The following CSMD1 variants were observed in gnomAD, a reference collection of about 807,000 sequenced individuals.
The protein encoded by CSMD1 is CUB and sushi domain-containing protein 1.
In CSMD1, 213 loss-of-function variants were observed where a neutral mutation model predicts 417.5. That is an observed-to-expected ratio of 0.51 (90% CI 0.46 to 0.57). CSMD1 has a LOEUF of 0.57. Among genes scored for constraint, CSMD1 ranks in the 20% least tolerant of loss-of-function variants. The pLI is 0.00. For synonymous variants in CSMD1, 2,862 were observed against 1,736.8 expected (o/e 1.65, Z -16.11); for missense variants, 6,923 against 4,529.7 (o/e 1.53, Z -15.17).
intron 4 of CSMD1, among the ~76,000 whole-genome samples, chr8:4,019,338 G>A (rs970132992): frequency 2.0e-5 from 3 of 152,166 alleles, no homozygotes; most frequent in African/African-American, 7.2e-5. Context: ...TTGCTTATCT[G>A]GGAGGGAGAG....
At chr8:3,080,394 G>T (rs569806582) in intron 49 of CSMD1, among the ~76,000 whole-genome samples, 2 of 152,204 alleles carry the variant, frequency 1.3e-5, no homozygotes, top group African/African-American at 2.4e-5. Flanking sequence ...TATCAAGGTC[G>T]ATAAGAACCA....
At chr8:4,217,196 G>C (rs1037767244) in intron 3 of CSMD1, among the ~76,000 whole-genome samples, 1 of 152,148 alleles carries the variant, frequency 6.6e-6, no homozygotes, top group Non-Finnish European at 1.5e-5. Context: ...ATCATGCAAA[G>C]TTATAGCTAG....
chr8:3,594,387 C>T (rs571741494), intron 8 of CSMD1, among the ~76,000 whole-genome samples: 19 of 152,022 alleles, frequency 1.2e-4, no homozygotes, highest in South Asian at 4.2e-4. Context: ...ATTTGGGTTA[C>T]GTCTTGAAAG....
Position 4,117,656 on chromosome 8 carries a change from G to A in CSMD1, c.416-85557C>T, listed in dbSNP as rs140508931. On this transcript the variant is annotated intron_variant, in intron 3 of 69. Coordinates refer to ENST00000635120, the MANE Select transcript of CSMD1 (RefSeq NM_033225.6). Reference sequence around the variant, plus strand: ...AAACGCTGAAGCGCCCGCACTTCTGGGTGCCAAATAGACAGACTGTATACC... The same window carrying A: ...AAACGCTGAAGCGCCCGCACTTCTGAGTGCCAAATAGACAGACTGTATACC... Among the ~76,000 whole-genome samples the A allele has an allele frequency of 4.1e-3, 627 of 152,174 alleles. 2 individuals carry two copies. Among genetic ancestry groups the A allele is most frequent in the Middle Eastern group, 0.027 (8 of 294 alleles).
chr8:3,568,721 G>T (rs141180268), intron 10 of CSMD1, among the ~76,000 whole-genome samples: 1 of 151,654 alleles, frequency 6.6e-6, no homozygotes, highest in African/African-American at 2.4e-5. Context: ...GTTTATCTAT[G>T]CATATATATA....
At chr8:4,587,685 A>G (rs1359702383) in intron 2 of CSMD1, among the ~76,000 whole-genome samples, 2 of 152,160 alleles carry the variant, frequency 1.3e-5, no homozygotes, top group Non-Finnish European at 2.9e-5. Flanking sequence ...TGCCTTCACT[A>G]GGTACTGGTT....
At chr8:2,938,895 G>C (rs1003152225) in intron 69 of CSMD1, among the ~76,000 whole-genome samples, 151 bp from the exon 70 acceptor site, 3 of 152,194 alleles carry the variant, frequency 2.0e-5, no homozygotes, top group African/African-American at 7.2e-5. Context: ...CTGCACACCT[G>C]TCAGTTTATT....
chr8:4,190,717 A>C (rs1026403677), intron 3 of CSMD1, among the ~76,000 whole-genome samples: 1 of 152,156 alleles, frequency 6.6e-6, no homozygotes, highest in Non-Finnish European at 1.5e-5. Flanking sequence ...TTTACAGAAA[A>C]TCATCTGAAA....
intron 5 of CSMD1, among the ~76,000 whole-genome samples, chr8:3,842,145 A>T: frequency 6.6e-6 from 1 of 152,188 alleles, no homozygotes; most frequent in Non-Finnish European, 1.5e-5. Flanking sequence ...TCTCCTTGTC[A>T]AACAACCTCA....
At chr8:3,045,334 A>C (rs1194300890) in intron 50 of CSMD1, among the ~76,000 whole-genome samples, 1 of 152,190 alleles carries the variant, frequency 6.6e-6, no homozygotes, top group Non-Finnish European at 1.5e-5. Context: ...CAATTTTGTT[A>C]ATTGTTGTCA....
At chr8:4,640,978 T>C (rs968155891) in intron 1 of CSMD1, among the ~76,000 whole-genome samples, 7 of 151,500 alleles carry the variant, frequency 4.6e-5, no homozygotes, top group African/African-American at 1.5e-4. Flanking sequence ...AAGAAGTATA[T>C]ATATATGTAT....
intron 12 of CSMD1, among the ~76,000 whole-genome samples, chr8:3,457,673 A>T (rs1282662374): frequency 6.6e-6 from 1 of 152,240 alleles, no homozygotes; most frequent in Non-Finnish European, 1.5e-5. Context: ...CAATTCAGAA[A>T]TTTTAACAAA....
chr8:4,165,215 C>T (rs912810567), intron 3 of CSMD1, among the ~76,000 whole-genome samples: 15 of 152,296 alleles, frequency 9.8e-5, no homozygotes, highest in African/African-American at 2.9e-4. Flanking sequence ...GCTACACACC[C>T]TCCAGGTGTC....
intron 5 of CSMD1, among the ~76,000 whole-genome samples, chr8:3,913,383 G>C (rs983628958): frequency 5.3e-5 from 8 of 152,076 alleles, no homozygotes; most frequent in African/African-American, 1.9e-4. Flanking sequence ...AAAGGGAAAT[G>C]CAACTTCCAG....
intron 3 of CSMD1, among the ~76,000 whole-genome samples, chr8:4,336,514 C>T (rs2128893255): frequency 2.0e-5 from 3 of 152,230 alleles, no homozygotes; most frequent in Middle Eastern, 6.8e-3. Flanking sequence ...TGGTGCCTGG[C>T]CAATAACGTG....
intron 5 of CSMD1, among the ~76,000 whole-genome samples, chr8:3,995,895 G>C (rs985459398): frequency 2.6e-5 from 4 of 152,166 alleles, no homozygotes; most frequent in African/African-American, 7.2e-5. Flanking sequence ...TTTCCCACCA[G>C]CTTCCCTAGC....
intron 9 of CSMD1, among the ~76,000 whole-genome samples, chr8:3,581,285 G>A (rs1483610311): frequency 1.3e-5 from 2 of 152,178 alleles, no homozygotes; most frequent in African/African-American, 4.8e-5. Context: ...AGCTCGTAAT[G>A]TCTTACCCTG....
chr8:3,234,349 C>T (rs1021011974), intron 26 of CSMD1, among the ~76,000 whole-genome samples: 1 of 152,140 alleles, frequency 6.6e-6, no homozygotes, highest in African/African-American at 2.4e-5. Context: ...ATACTGCAAA[C>T]GGAAGCCACT....
At chr8:4,622,209 G>C (rs1801822153) in intron 2 of CSMD1, among the ~76,000 whole-genome samples, 1 of 151,448 alleles carries the variant, frequency 6.6e-6, no homozygotes, top group Admixed American at 6.6e-5. Flanking sequence ...ATATTGACCT[G>C]ACATTACCTG....
Sources: allele counts gnomAD v4.1 joint callset (sites outside exome capture counted in the v4.1 genomes callset), GRCh38; gene constraint gnomAD v4.1.1; transcripts MANE v1.5; gene names NCBI Gene and HGNC (gene_info 2026-07-23, HGNC 2026-07-21).